Variants in ANKS1B observed in about 807,000 individuals in gnomAD.
ANKS1B encodes ankyrin repeat and sterile alpha motif domain-containing protein 1B.
A neutral mutation model predicts 148.3 loss-of-function variants in ANKS1B; 36 were observed. The ratio of observed to expected loss-of-function variants is 0.24; its 90% confidence interval spans 0.19 to 0.32. The LOEUF (loss-of-function observed/expected upper bound fraction) is 0.32. ANKS1B is among the 10% of genes least tolerant of loss of function. ANKS1B has a pLI of 1.00. For synonymous variants in ANKS1B, 542 were observed against 560.8 expected, an observed-to-expected ratio of 0.97 and a Z score of 0.47; for missense variants, 1,157 against 1,542.6, an observed-to-expected ratio of 0.75 and a Z score of 4.19.
At position 99,357,198 on chromosome 12, in the gene ANKS1B, A is replaced by G. The variant is rs951191504; in HGVS notation, c.1756+42433T>C. Among the ~76,000 whole-genome samples the G allele has an allele frequency of 2.0e-5, 3 of 152,094 alleles. No homozygotes were observed. In the East Asian group the frequency reaches 5.8e-4, roughly 29 times the overall value. The stretch of plus-strand genomic sequence containing the variant: ...ATTTGGATTCAGCTTTATTCATTTA[A>G]CATTATATTAAAAATATTTTCCATG... On this transcript the variant is annotated intron_variant, in intron 12 of 26. Coordinates refer to ENST00000683438, the MANE Select transcript of ANKS1B (RefSeq NM_001352186.2).
intron 9 of ANKS1B, among the ~76,000 whole-genome samples, chr12:99,577,954 T>C (rs556780786): frequency 2.0e-5 from 3 of 152,170 alleles, no homozygotes; most frequent in Admixed American, 6.6e-5. Flanking sequence ...CTGATGAACA[T>C]AGATGTAAAA....
At chr12:98,944,302 C>A (rs866671712) in intron 17 of ANKS1B, among the ~76,000 whole-genome samples, 902 of 87,838 alleles carry the variant, frequency 0.01, no homozygotes, top group Middle Eastern at 0.017. Flanking sequence ...CTCCACCTCA[C>A]AAAAAAAAAA....
intron 12 of ANKS1B, among the ~76,000 whole-genome samples, chr12:99,310,773 A>C (rs1763246188): frequency 6.6e-6 from 1 of 152,106 alleles, no homozygotes; most frequent in Admixed American, 6.6e-5. Context: ...CTTACAATAA[A>C]TCTATCTATC....
In ANKS1B at chr12:99,350,118, T is replaced by G. The variant is rs557451827; in HGVS notation, c.1756+49513A>C. ...CTCCCCTTTGGTGCTGTTCTCATGA[T>G]AGTAAGTGAGTTATCCCAAGATCTG... On this transcript the variant is annotated intron_variant, in intron 12 of 26. Transcript: ENST00000683438. Among the ~76,000 whole-genome samples the G allele has an allele frequency of 3.3e-5, 5 of 152,082 alleles. No homozygotes were observed. The South Asian group carries it at 1.0e-3, about 32-fold the overall frequency.
At chr12:99,157,068 T>C (rs1005365132) in intron 14 of ANKS1B, among the ~76,000 whole-genome samples, 9 of 152,224 alleles carry the variant, frequency 5.9e-5, no homozygotes, top group Non-Finnish European at 1.2e-4. Flanking sequence ...GTGGACTGCA[T>C]AGTACTTGAT....
chr12:99,397,478 C>A (rs975580337), intron 12 of ANKS1B, among the ~76,000 whole-genome samples: 2 of 151,850 alleles, frequency 1.3e-5, no homozygotes, highest in African/African-American at 2.4e-5. Flanking sequence ...AAGAAGTAAC[C>A]AATATAATTT....
At chr12:99,339,608 T>G (rs1003189597) in intron 12 of ANKS1B, among the ~76,000 whole-genome samples, 1 of 152,196 alleles carries the variant, frequency 6.6e-6, no homozygotes, top group Non-Finnish European at 1.5e-5. Flanking sequence ...TTGTTCCACT[T>G]CTCTCCCTAT....
At chr12:99,854,186 G>T (rs750590022) in intron 1 of ANKS1B, among the ~76,000 whole-genome samples, 17 of 152,000 alleles carry the variant, frequency 1.1e-4, no homozygotes, top group Non-Finnish European at 1.8e-4. Context: ...TAATTTTTTT[G>T]TATCTTTAGT....
chr12:99,096,957 A>G (rs1370689502), intron 15 of ANKS1B: 1 of 152,234 alleles, frequency 6.6e-6, no homozygotes, highest in Non-Finnish European at 1.5e-5. Context: ...ATAAACAGCT[A>G]TAGAATTTCA....
At chr12:99,042,590 A>G (rs1030816626) in intron 17 of ANKS1B, among the ~76,000 whole-genome samples, 4 of 152,228 alleles carry the variant, frequency 2.6e-5, no homozygotes, top group Admixed American at 6.5e-5. Flanking sequence ...TGTTGAGGCA[A>G]TGGATAACTG....
At position 99,612,398 on chromosome 12, in the gene ANKS1B, T is replaced by C. The variant is rs574009016; in HGVS notation, c.1272+42669A>G. Among the ~76,000 whole-genome samples the C allele has an allele frequency of 2.0e-5, 3 of 152,266 alleles. No homozygotes were observed. In the South Asian group the frequency reaches 6.3e-4, roughly 32 times the overall value. ...CTTTCTATATAATCACTCATTTCATTATCATAACATCTCCATGAAATAGTA... is the reference window on the plus strand; with the variant it reads ...CTTTCTATATAATCACTCATTTCATCATCATAACATCTCCATGAAATAGTA... On this transcript the variant is annotated intron_variant, in intron 9 of 26. Coordinates refer to ENST00000683438, the MANE Select transcript of ANKS1B (RefSeq NM_001352186.2).
At chr12:99,038,049 C>T (rs1214878651) in intron 17 of ANKS1B, among the ~76,000 whole-genome samples, 3 of 152,102 alleles carry the variant, frequency 2.0e-5, no homozygotes, top group African/African-American at 7.2e-5. Context: ...GAAAGGATAG[C>T]CTTTACATGG....
chr12:99,909,967 G>C (rs2093940559), intron 1 of ANKS1B, among the ~76,000 whole-genome samples: 5 of 152,108 alleles, frequency 3.3e-5, no homozygotes, highest in Admixed American at 3.3e-4. Flanking sequence ...TGTCCACCTA[G>C]AATAGAGCTG....
chr12:99,024,978 A>C (rs535754844), intron 17 of ANKS1B, among the ~76,000 whole-genome samples: 46 of 152,198 alleles, frequency 3.0e-4, no homozygotes, highest in Admixed American at 1.6e-3. Flanking sequence ...AGCTCCAATA[A>C]AATTCTAGTT....
intron 9 of ANKS1B, among the ~76,000 whole-genome samples, chr12:99,562,710 G>A (rs1460079880): frequency 6.6e-6 from 1 of 152,132 alleles, no homozygotes; most frequent in Non-Finnish European, 1.5e-5. Flanking sequence ...ATCAGATCTT[G>A]TGAAAACTCA....
At chr12:99,248,020 G>A (rs1602051019) in intron 12 of ANKS1B, among the ~76,000 whole-genome samples, 1 of 152,082 alleles carries the variant, frequency 6.6e-6, no homozygotes, top group South Asian at 2.1e-4. Context: ...CATTTAATGG[G>A]TAAGTGTTAT....
In ANKS1B at chr12:98,829,260, T is replaced by C. The variant is rs749197671; in HGVS notation, c.2980A>G (p.Ile994Val). 8 of 1,613,916 alleles carry C rather than the reference T, an allele frequency of 5.0e-6. No homozygotes were observed. The Admixed American group carries it at 1.0e-4, about 20-fold the overall frequency. ...TGGSLDVPHI[I>V]MQGDARRRRN... is the part of the protein sequence containing the mutation. ...CTCCTCCTTGCATCGCCCTGCATGA[T>C]AATGTGAGGAACGTCTAGGGAGCCA... The change falls in exon 19 of 27, where the codon ATC (isoleucine) becomes GTC (valine). Residue 994 changes from isoleucine to valine, a missense_variant. Transcript: ENST00000683438. The surrounding 1 kb of genome is among the most constrained non-coding windows in gnomAD (Gnocchi z 5.2).
At chr12:99,001,777 A>C (rs2099933164) in intron 17 of ANKS1B, among the ~76,000 whole-genome samples, 1 of 152,200 alleles carries the variant, frequency 6.6e-6, no homozygotes, top group Non-Finnish European at 1.5e-5. Context: ...CTTACAACAG[A>C]AAGTTTACAT....
chr12:99,316,719 G>C (rs967165997), intron 12 of ANKS1B, among the ~76,000 whole-genome samples: 4 of 152,108 alleles, frequency 2.6e-5, no homozygotes, highest in Admixed American at 6.6e-5. Flanking sequence ...ATTGCTTTTG[G>C]TGTTTTAGTC....
Sources: allele counts gnomAD v4.1 joint callset (sites outside exome capture counted in the v4.1 genomes callset), GRCh38; gene constraint gnomAD v4.1.1; non-coding constraint Gnocchi (gnomAD v3.1); transcripts MANE v1.5; gene names NCBI Gene and HGNC (gene_info 2026-07-23, HGNC 2026-07-21).